The following HAUS6 variants were observed in gnomAD, a reference collection of about 807,000 sequenced individuals.
HAUS6 encodes the protein HAUS augmin-like complex subunit 6.
HAUS6 carries 80 observed loss-of-function variants against 106.8 expected under a neutral mutation model. That is an observed-to-expected ratio of 0.75 (90% confidence interval 0.63 to 0.90). HAUS6 has a LOEUF of 0.90. Ranked by LOEUF, HAUS6 falls within the 40% of genes least tolerant of loss-of-function variation. The pLI, the probability that HAUS6 is intolerant of heterozygous loss-of-function variation, is 0.00. For synonymous variants in HAUS6, 356 were observed against 379.1 expected, an observed-to-expected ratio of 0.94 and a Z score of 0.71; for missense variants, 1,155 against 1,118.1, an observed-to-expected ratio of 1.03 and a Z score of -0.47.
At chr9:19,059,191 G>A (rs185177732) in intron 15 of HAUS6, among the ~76,000 whole-genome samples, 190 bp from the exon 16 acceptor site, 30 of 152,226 alleles carry the variant, frequency 2.0e-4, no homozygotes, top group South Asian at 6.2e-4. Flanking sequence ...CCAACTGCTC[G>A]CACAAATAAA....
chr9:19,089,967 A>C (rs1262302341), intron 4 of HAUS6, among the ~76,000 whole-genome samples: 1 of 151,866 alleles, frequency 6.6e-6, no homozygotes, highest in Non-Finnish European at 1.5e-5. Flanking sequence ...AGAGTAGCTG[A>C]GACTACAAGC....
chr9:19,086,809 G>T, intron 6 of HAUS6, 27 bp from the exon 7 acceptor site: 1 of 916,060 alleles, frequency 1.1e-6, no homozygotes. Context: ...AATCTAATTA[G>T]TCATATTAAA....
intron 11 of HAUS6, among the ~76,000 whole-genome samples, chr9:19,072,295 T>G (rs1836896911): frequency 6.6e-6 from 1 of 152,010 alleles, no homozygotes; most frequent in Admixed American, 6.6e-5. Context: ...GGCAGATCAC[T>G]TGAGGTCAGT....
At position 19,093,258 on chromosome 9, in the gene HAUS6, GAAAT is replaced by G. The variant is rs781177877; in HGVS notation, c.345_348del (p.Ser118LeufsTer9). ...ATAAACTTAGGACCACCAGGAGAAA[GAAAT>G]AGTGAACCAACAACTTGAGGAAAGC... On this transcript the variant is annotated frameshift_variant, in exon 4 of 17. Transcript: ENST00000380502. LOFTEE classifies it high-confidence loss of function. 1.2e-6 allele frequency: 2 copies of G among 1,609,536 alleles called. No homozygotes were observed. The highest frequency in any genetic ancestry group is 1.7e-6 in the Non-Finnish European group (2 of 1,177,518).
In HAUS6 at chr9:19,093,371, T is replaced by A. The variant is rs1343095911; in HGVS notation, c.304-68A>T. ...AATAACTCTTACATTTACATCACAC[T>A]ATTTTTGTTAAAGGGTGTGACAGTC... is the stretch of plus-strand genomic sequence containing the variant. On this transcript the variant is annotated intron_variant, in intron 3 of 16. Transcript: ENST00000380502. 9 of 1,337,230 alleles carry A rather than the reference T, an allele frequency of 6.7e-6. No individual in the cohort carries two copies. In the Admixed American group the frequency reaches 1.8e-4, roughly 27 times the overall value. 82.8% of individuals were successfully genotyped at this position (1,337,230 alleles called of 1,614,324 possible). A position where few individuals can be genotyped will look rare whatever the true frequency, so the allele number is the denominator to read the frequency against.
intron 1 of HAUS6, among the ~76,000 whole-genome samples, chr9:19,099,963 G>T (rs1184970761): frequency 6.6e-6 from 1 of 152,232 alleles, no homozygotes; most frequent in Non-Finnish European, 1.5e-5. Context: ...GGAGGCCAAG[G>T]CAGGTGGATC....
intron 1 of HAUS6, among the ~76,000 whole-genome samples, chr9:19,099,342 A>G (rs1205747131): frequency 6.6e-6 from 1 of 151,770 alleles, no homozygotes; most frequent in Non-Finnish European, 1.5e-5. Flanking sequence ...AATTTTTTGT[A>G]TTTTTAGTAG....
At chr9:19,063,625 A>G (rs566672200) in intron 12 of HAUS6, 45 bp from the exon 13 acceptor site, 12 of 1,248,864 alleles carry the variant, frequency 9.6e-6, no homozygotes, top group Non-Finnish European at 1.4e-5. Flanking sequence ...AGGAGAAAAG[A>G]ATTCCATTCC....
At chr9:19,094,550 G>C (rs1344655019) in intron 2 of HAUS6, among the ~76,000 whole-genome samples, 155 bp from the exon 3 acceptor site, 1 of 152,124 alleles carries the variant, frequency 6.6e-6, no homozygotes, top group East Asian at 1.9e-4. Context: ...CCAGCACTTT[G>C]GAAAGCCAAT....
At chr9:19,093,372 A>C in intron 3 of HAUS6, 69 bp from the exon 4 acceptor site, 4 of 1,337,086 alleles carry the variant, frequency 3.0e-6, no homozygotes, top group Non-Finnish European at 4.2e-6. Flanking sequence ...ACATCACACT[A>C]TTTTTGTTAA....
chr9:19,074,428 G>T (rs77141780), intron 11 of HAUS6, among the ~76,000 whole-genome samples: 5,896 of 151,982 alleles, frequency 0.039, 126 homozygotes, highest in Non-Finnish European at 0.051. Context: ...CACACCACCA[G>T]GCCTGGCTAA....
intron 12 of HAUS6, 169 bp from the exon 13 acceptor site, chr9:19,063,749 G>A (rs773213306): frequency 5.3e-6 from 4 of 756,726 alleles, no homozygotes; most frequent in Admixed American, 1.7e-5. Flanking sequence ...GTGACAAGTA[G>A]AGCAGTATTT....
chr9:19,056,048 G>A lies in HAUS6; in HGVS notation c.*295C>T. On this transcript the variant is annotated 3_prime_UTR_variant, in exon 17 of 17. Transcript: ENST00000380502. ...AAGAAATAAGTTACACTACTACTTT[G>A]TCATTCACTTAATGCTTACAAGATT... 3.2e-6 allele frequency: 1 copy of A among 316,166 alleles called. No individual in the cohort carries two copies. The allele number at this position is 316,166 out of a possible 1,614,324, so 19.6% of individuals were successfully genotyped here. A position where few individuals can be genotyped will look rare whatever the true frequency, so the allele number is the denominator to read the frequency against.
chr9:19,079,781 T>C (rs942865988), intron 9 of HAUS6, among the ~76,000 whole-genome samples: 6 of 150,712 alleles, frequency 4.0e-5, no homozygotes, highest in Non-Finnish European at 8.8e-5. Context: ...CGCGTGCCTG[T>C]AATCTCAGCT....
Position 19,093,238 on chromosome 9 carries a change from CTT to C in HAUS6, c.367_368del (p.Lys123ValfsTer18). On this transcript the variant is annotated frameshift_variant, in exon 4 of 17. Coordinates refer to ENST00000380502, the MANE Select transcript of HAUS6 (RefSeq NM_017645.5). LOFTEE classifies it high-confidence loss of function. ...CAAAATGATACATCAGATGAATAAA[CTT>C]AGGACCACCAGGAGAAAGAAATAGT... ...GSLFLSPGGP[K>X]FIHLMYHFAR... 6.2e-7 allele frequency: 1 copy of C among 1,609,592 alleles called. No individual in the cohort carries two copies. Among genetic ancestry groups the C allele is most frequent in the Non-Finnish European group, 8.5e-7 (1 of 1,176,858 alleles).
In HAUS6 at chr9:19,058,138, C is replaced by T. The variant is rs1386871395; in HGVS notation, c.2629G>A (p.Asp877Asn). 1.2e-6 allele frequency: 2 copies of T among 1,613,986 alleles called. No individual in the cohort carries two copies. The highest frequency in any genetic ancestry group is 3.3e-5 in the Admixed American group (2 of 60,026). ...SPTPQNVQTDDTLNFLDTCDL... is the reference protein window; with the variant it reads ...SPTPQNVQTDNTLNFLDTCDL... ...CAGGTGTCCAAAAAGTTAAGCGTAT[C>T]ATCTGTTTGTACATTTTGGGGAGTA... Residue 877 changes from aspartate (D) to asparagine (N), a missense_variant, in exon 16 of 17, where the codon GAT becomes AAT. This residue lies in a region of HAUS6 where 380 missense variants were observed against 394.8 expected (regional missense o/e 0.96). Transcript: ENST00000380502.
rs953248645 is a variant in HAUS6 at position 19,101,687 on chromosome 9, C to T, written c.128+837G>A. Among the ~76,000 whole-genome samples, 27 of 152,186 alleles carry T rather than the reference C, an allele frequency of 1.8e-4. 1 individual carries two copies. The highest frequency in any genetic ancestry group is 5.9e-4 in the Admixed American group (9 of 15,274). Reference sequence around the variant, plus strand: ...CTGTAATCCCAGCACTTTGGGAGGCCGAGGCAGGTGGATCATGAGCTCAGG... The same window carrying T: ...CTGTAATCCCAGCACTTTGGGAGGCTGAGGCAGGTGGATCATGAGCTCAGG... On this transcript the variant is annotated intron_variant, in intron 1 of 16. Coordinates refer to ENST00000380502, the MANE Select transcript of HAUS6 (RefSeq NM_017645.5).
chr9:19,102,255 G>C (rs568338752), intron 1 of HAUS6, among the ~76,000 whole-genome samples: 1 of 152,114 alleles, frequency 6.6e-6, no homozygotes, highest in East Asian at 1.9e-4. Flanking sequence ...CATAGGCAGA[G>C]TTAAGCTGCT....
chr9:19,059,283 T>C (rs1165273444), intron 15 of HAUS6, among the ~76,000 whole-genome samples: 1 of 152,364 alleles, frequency 6.6e-6, no homozygotes, highest in Admixed American at 6.5e-5. Context: ...AAAGACCTTT[T>C]CTTGTCCATC....
Sources: allele counts gnomAD v4.1 joint callset (sites outside exome capture counted in the v4.1 genomes callset), GRCh38; gene constraint gnomAD v4.1.1; regional missense constraint gnomAD v4.1.1; transcripts MANE v1.5; gene names NCBI Gene and HGNC (gene_info 2026-07-23, HGNC 2026-07-21).